The following SARDH variants were observed in gnomAD, a reference collection of about 807,000 sequenced individuals.
SARDH encodes the protein sarcosine dehydrogenase, also known as sarcosine dehydrogenase, mitochondrial.
Under a neutral mutation model 109.1 loss-of-function variants are expected in SARDH, and 95 were observed. The ratio of observed to expected loss-of-function variants is 0.87; its 90% CI spans 0.74 to 1.03. The LOEUF is 1.03. SARDH is among the 50% of genes least tolerant of loss of function. The pLI, the probability that SARDH is intolerant of heterozygous loss-of-function variation, is 0.00. For synonymous variants in SARDH, 572 were observed against 534.8 expected (o/e 1.07, Z -0.96); for missense variants, 1,267 against 1,287.8 (o/e 0.98, Z 0.25).
chr9:133,666,831 G>A lies in SARDH; in HGVS notation c.2535C>T (p.Asn845=), dbSNP rs146458678. 4.6e-4 allele frequency: 742 copies of A among 1,610,722 alleles called. 3 individuals are homozygous for A. The East Asian group carries it at 7.1e-3, about 15-fold the overall frequency. The change falls in exon 20 of 21, where the codon AAC becomes AAT. Residue 845 remains asparagine, a synonymous_variant. Transcript: ENST00000439388. This position sits in a 1 kb window ranked among gnomAD's most constrained non-coding sequence, Gnocchi z 5.2. The part of the protein sequence containing the change: ...PMFGLEAIWR[N]GQVVGHVRRA... Reference sequence around the variant, plus strand: ...TCCGGACATGGCCCACCACTTGGCCGTTCCTCCAGATGGCCTCCAGGCCAA... The same window carrying A: ...TCCGGACATGGCCCACCACTTGGCCATTCCTCCAGATGGCCTCCAGGCCAA...
chr9:133,677,979 C>T (rs896363885), intron 17 of SARDH, among the ~76,000 whole-genome samples: 2 of 152,242 alleles, frequency 1.3e-5, no homozygotes, highest in Non-Finnish European at 2.9e-5. Context: ...CCATGGCTAT[C>T]TCCCTCCAAA....
In SARDH at chr9:133,704,982, C is replaced by A; in HGVS notation, c.1520G>T (p.Arg507Leu). 1 of 1,586,454 alleles carries A rather than the reference C, an allele frequency of 6.3e-7. No homozygotes were observed. The highest frequency in any genetic ancestry group is 1.2e-5 in the South Asian group (1 of 86,534). ...CVFQERHGWE[R>L]PGWFHPRGPA... ...GCCTCGGGGATGAAACCATCCCGGT[C>A]GCTCCCAGCCATGCCGCTCCTGGAA... is the stretch of plus-strand genomic sequence containing the variant. Residue 507 changes from arginine (R) to leucine (L), a missense_variant, in exon 12 of 21, where the codon CGA (arginine) becomes CTA (leucine). Coordinates refer to ENST00000439388, the MANE Select transcript of SARDH (RefSeq NM_001134707.2). This position sits in a 1 kb window ranked among gnomAD's most constrained non-coding sequence, Gnocchi z 4.5.
intron 8 of SARDH, among the ~76,000 whole-genome samples, chr9:133,715,244 A>C (rs192592419): frequency 1.9e-3 from 293 of 152,350 alleles, no homozygotes; most frequent in African/African-American, 6.9e-3. Flanking sequence ...GACCAGATCC[A>C]AGATGTCCTT....
rs1000015654 is a variant in SARDH, at chr9:133,692,070, G to A, written c.1922-1543C>T. On this transcript the variant is annotated intron_variant, in intron 15 of 20. Coordinates refer to ENST00000439388, the MANE Select transcript of SARDH (RefSeq NM_001134707.2). This position sits in a 1 kb window ranked among gnomAD's most constrained non-coding sequence, Gnocchi z 5.0. The stretch of plus-strand genomic sequence containing the variant: ...CCCCTTATGAGGGGGGACGAGCAAG[G>A]TCCTCATTCCCCAGCCAGGGAAACT... 6.6e-6 allele frequency among the ~76,000 whole-genome samples: 1 copy of A among 152,128 alleles called. No individual in the cohort carries two copies. The highest frequency in any genetic ancestry group is 2.4e-5 in the African/African-American group (1 of 41,402).
In SARDH at chr9:133,731,448, T is replaced by A. The variant is rs1257139975; in HGVS notation, c.547A>T (p.Ser183Cys). 6.2e-7 allele frequency: 1 copy of A among 1,613,958 alleles called. No individual in the cohort carries two copies. The highest frequency in any genetic ancestry group is 8.5e-7 in the Non-Finnish European group (1 of 1,180,000). The stretch of plus-strand genomic sequence containing the variant: ...TACAGAGTCTTGGTCTCTGCCGGGC[T>A]CAGCACATGGGATTCCACACCATAC... ...KAYGVESHVL[S>C]PAETKTLYPL... Residue 183 changes from serine (S) to cysteine (C), a missense_variant, in exon 4 of 21, where the codon AGC (serine) becomes TGC (cysteine). By Grantham distance (112) the Ser-to-Cys change is moderately radical (BLOSUM62 -1). Transcript: ENST00000439388.
intron 16 of SARDH, among the ~76,000 whole-genome samples, chr9:133,689,490 G>A (rs969121132): frequency 1.3e-5 from 2 of 152,156 alleles, no homozygotes; most frequent in African/African-American, 4.8e-5. Flanking sequence ...AAAGGGTGGC[G>A]GTGAGCGTGT....
intron 2 of SARDH, among the ~76,000 whole-genome samples, chr9:133,732,918 T>C (rs999319471): frequency 6.6e-6 from 1 of 152,016 alleles, no homozygotes; most frequent in Non-Finnish European, 1.5e-5. Context: ...CTCTTATAGA[T>C]CAAGTTCAAG....
intron 17 of SARDH, among the ~76,000 whole-genome samples, chr9:133,682,434 G>A (rs1244979598): frequency 6.6e-6 from 1 of 152,226 alleles, no homozygotes; most frequent in Admixed American, 6.5e-5. Flanking sequence ...TGGGATTAGA[G>A]GGGTTTTCGC....
At chr9:133,724,583 A>T (rs1832427508) in intron 6 of SARDH, among the ~76,000 whole-genome samples, 1 of 152,236 alleles carries the variant, frequency 6.6e-6, no homozygotes, top group African/African-American at 2.4e-5. Flanking sequence ...AAAATGGTGC[A>T]GCTTCTTTGG....
At chr9:133,717,874 G>A (rs181687062) in intron 7 of SARDH, among the ~76,000 whole-genome samples, 1 of 152,200 alleles carries the variant, frequency 6.6e-6, no homozygotes, top group East Asian at 1.9e-4. Context: ...CCCCTCAATG[G>A]GGCAGTTCTT....
Position 133,690,517 on chromosome 9 carries a change from G to A in SARDH, c.1932C>T (p.Tyr644=). Residue 644 remains tyrosine, a synonymous_variant, in exon 16 of 21, where the codon TAC becomes TAT. Transcript: ENST00000439388. ...CCACGGCCCCGCCCATGGCCAGGTAGTAACCGTCCCCTGGAAGAGAGGCAC... is the reference window on the plus strand; with the variant it reads ...CCACGGCCCCGCCCATGGCCAGGTAATAACCGTCCCCTGGAAGAGAGGCAC... ...PLAPAFEGDG[Y]YLAMGGAVAQ... 2 of 1,600,440 alleles carry A rather than the reference G, an allele frequency of 1.2e-6. No homozygotes were observed. Among genetic ancestry groups the A allele is most frequent in the South Asian group, 1.1e-5 (1 of 91,002 alleles).
At chr9:133,688,581 C>T (rs909178931) in intron 16 of SARDH, among the ~76,000 whole-genome samples, 1 of 152,190 alleles carries the variant, frequency 6.6e-6, no homozygotes, top group African/African-American at 2.4e-5. Flanking sequence ...TCCTCCTCTG[C>T]TCAGCACCCC....
At chr9:133,731,546 T>G in intron 3 of SARDH, 62 bp from the exon 4 acceptor site, 1 of 1,532,842 alleles carries the variant, frequency 6.5e-7, no homozygotes, top group Non-Finnish European at 8.9e-7. Flanking sequence ...GCCACTCCCC[T>G]CCCCAACTGG....
rs1457151430 is a variant in SARDH at position 133,692,705 on chromosome 9, C to CA, written c.1921+1552dup. On this transcript the variant is annotated intron_variant, in intron 15 of 20. Coordinates refer to ENST00000439388, the MANE Select transcript of SARDH (RefSeq NM_001134707.2). The surrounding 1 kb of genome is among the most constrained non-coding windows in gnomAD (Gnocchi z 5.0). ...TCCCTGAAGCCCCACCGGCCTCCTT[C>CA]ACCTCCTCCCGACCCTGGCTACCTG... is the stretch of plus-strand genomic sequence containing the variant. 1.3e-5 allele frequency among the ~76,000 whole-genome samples: 2 copies of CA among 152,158 alleles called. No individual in the cohort carries two copies. The highest frequency in any genetic ancestry group is 4.8e-5 in the African/African-American group (2 of 41,430).
At chr9:133,691,062 C>T (rs995446432) in intron 15 of SARDH, among the ~76,000 whole-genome samples, 1 of 152,124 alleles carries the variant, frequency 6.6e-6, no homozygotes, top group Admixed American at 6.5e-5. Context: ...AGAATGAAGG[C>T]AAAGAGACAA....
Position 133,690,431 on chromosome 9 carries a change from AGCTG to A in SARDH, c.2014_2017del (p.Gln672SerfsTer10). 6.2e-7 allele frequency: 1 copy of A among 1,613,316 alleles called. No individual in the cohort carries two copies. Among genetic ancestry groups the A allele is most frequent in the Non-Finnish European group, 8.5e-7 (1 of 1,179,940 alleles). ...ACCCAGGTCCTCGGAGCTGTCGATG[AGCTG>A]GCACTGGGACTTCTGGTCCTGCAGC... On this transcript the variant is annotated frameshift_variant, in exon 16 of 21. Coordinates refer to ENST00000439388, the MANE Select transcript of SARDH (RefSeq NM_001134707.2). LOFTEE classifies it high-confidence loss of function.
chr9:133,670,202 G>A (rs540917978), intron 19 of SARDH, among the ~76,000 whole-genome samples: 9 of 152,152 alleles, frequency 5.9e-5, no homozygotes, highest in East Asian at 3.9e-4. Flanking sequence ...GGTAGTGCAC[G>A]CCTGTAATCC....
Position 133,688,184 on chromosome 9 carries a change from A to AG in SARDH, c.2069+2195dup, listed in dbSNP as rs1233152220. ...AGAGATGCGGAGGTTGGGGTCACCCAGGTGAGAAATGAAAAGCACACAGCA... is the reference window on the plus strand; with the variant it reads ...AGAGATGCGGAGGTTGGGGTCACCCAGGGTGAGAAATGAAAAGCACACAGCA... On this transcript the variant is annotated intron_variant, in intron 16 of 20. Transcript: ENST00000439388. 5.3e-5 allele frequency among the ~76,000 whole-genome samples: 8 copies of AG among 152,168 alleles called. 1 individual carries two copies. Among genetic ancestry groups the AG allele is most frequent in the Non-Finnish European group, 1.0e-4 (7 of 68,034 alleles).
intron 20 of SARDH, among the ~76,000 whole-genome samples, chr9:133,665,846 A>C (rs994868248): frequency 2.6e-5 from 4 of 152,118 alleles, no homozygotes; most frequent in Admixed American, 2.6e-4. Context: ...CTACGTGTCC[A>C]TCAGGGGCTC....
Sources: gnomAD v4.1 joint callset for allele counts (sites outside exome capture counted in the v4.1 genomes callset) on GRCh38, gnomAD v4.1.1 for gene constraint, Gnocchi (gnomAD v3.1) non-coding constraint, MANE v1.5 for transcripts, NCBI Gene and HGNC (gene_info 2026-07-23, HGNC 2026-07-21) for gene names.